RSPO2: variants seen among roughly 807,000 people sequenced by gnomAD.
The protein encoded by RSPO2 is R-spondin 2, also known as R-spondin-2.
RSPO2 carries 14 observed loss-of-function variants against 30.9 expected under a neutral mutation model. The ratio of observed to expected loss-of-function variants is 0.45; its 90% CI spans 0.30 to 0.71. The LOEUF is 0.71. RSPO2 is among the 30% of genes least tolerant of loss of function. The probability of loss-of-function intolerance (pLI) is 0.08; values close to 1 mark genes in which losing one functional copy is unlikely to be tolerated. For synonymous variants in RSPO2, 107 were observed against 96.4 expected (o/e 1.11, Z -0.64); for missense variants, 264 against 301.9 (o/e 0.87, Z 0.93).
chr8:107,951,437 C>T (rs1238055829), intron 5 of RSPO2, among the ~76,000 whole-genome samples: 10 of 152,106 alleles, frequency 6.6e-5, no homozygotes, highest in South Asian at 2.1e-4. Context: ...GTCTCCTGCA[C>T]GGAGGGGGAA....
At chr8:107,998,822 C>T (rs960324214) in intron 2 of RSPO2, among the ~76,000 whole-genome samples, 5 of 151,932 alleles carry the variant, frequency 3.3e-5, no homozygotes, top group African/African-American at 7.3e-5. Context: ...TGAGGCAGGC[C>T]GATCACCTAG....
At chr8:108,049,725 A>G (rs1234624338) in intron 2 of RSPO2, among the ~76,000 whole-genome samples, 2 of 151,944 alleles carry the variant, frequency 1.3e-5, no homozygotes, top group Non-Finnish European at 2.9e-5. Flanking sequence ...CCTGCAAAGG[A>G]CATGAACTCA....
intron 4 of RSPO2, among the ~76,000 whole-genome samples, chr8:107,959,209 G>C (rs1342251429): frequency 6.6e-6 from 1 of 152,190 alleles, no homozygotes; most frequent in Non-Finnish European, 1.5e-5. Flanking sequence ...TCTTTCAACA[G>C]GTTTCTGGAG....
chr8:107,988,356 A>G (rs1814721686), intron 3 of RSPO2, among the ~76,000 whole-genome samples: 1 of 152,144 alleles, frequency 6.6e-6, no homozygotes, highest in East Asian at 1.9e-4. Flanking sequence ...ATAAAAAGAG[A>G]AAAAGAAGCT....
intron 2 of RSPO2, among the ~76,000 whole-genome samples, chr8:108,062,043 G>A (rs1812486326): frequency 6.6e-6 from 1 of 151,844 alleles, no homozygotes; most frequent in Non-Finnish European, 1.5e-5. Flanking sequence ...GCAGTGTGTA[G>A]AGGGAAACTT....
At chr8:107,914,229 G>C (rs184509578) in intron 5 of RSPO2, among the ~76,000 whole-genome samples, 3 of 152,094 alleles carry the variant, frequency 2.0e-5, no homozygotes, top group Non-Finnish European at 4.4e-5. Flanking sequence ...AAATTGGTGA[G>C]TGCCTTTGAG....
At chr8:107,921,551 C>A (rs1339010837) in intron 5 of RSPO2, among the ~76,000 whole-genome samples, 1 of 151,920 alleles carries the variant, frequency 6.6e-6, no homozygotes, top group Admixed American at 6.6e-5. Flanking sequence ...GGTAGCATTC[C>A]CACTAAAACT....
At chr8:107,982,830 T>TCC (rs1375714590) in intron 3 of RSPO2, among the ~76,000 whole-genome samples, 1 of 152,226 alleles carries the variant, frequency 6.6e-6, no homozygotes, top group Non-Finnish European at 1.5e-5. Context: ...CTCTCTGCTT[T>TCC]CCTAGTGACT....
intron 3 of RSPO2, among the ~76,000 whole-genome samples, chr8:107,975,301 C>G (rs1201403330): frequency 6.6e-6 from 1 of 152,154 alleles, no homozygotes; most frequent in Non-Finnish European, 1.5e-5. Context: ...TTCTCTTCCA[C>G]AAATTTATAG....
At chr8:107,987,984 T>A (rs79274256) in intron 3 of RSPO2, among the ~76,000 whole-genome samples, 6,339 of 152,172 alleles carry the variant, frequency 0.042, 367 homozygotes, top group African/African-American at 0.13. Context: ...CCTGCTTACC[T>A]TTTGTCATTT....
chr8:107,957,814 T>C (rs968875225), intron 5 of RSPO2, among the ~76,000 whole-genome samples: 5 of 152,158 alleles, frequency 3.3e-5, no homozygotes, highest in Non-Finnish European at 7.3e-5. Flanking sequence ...CCAAAACACA[T>C]TTAGAAATCT....
intron 5 of RSPO2, among the ~76,000 whole-genome samples, chr8:107,922,848 T>C (rs1473320850): frequency 1.3e-5 from 2 of 150,048 alleles, no homozygotes; most frequent in African/African-American, 4.9e-5. Context: ...GACAGAACTC[T>C]AGTCAATAAG....
intron 5 of RSPO2, among the ~76,000 whole-genome samples, chr8:107,935,238 T>C (rs770904731): frequency 6.6e-6 from 1 of 152,174 alleles, no homozygotes; most frequent in African/African-American, 2.4e-5. Context: ...TCTTATACAG[T>C]TGCAGATAAA....
chr8:107,979,307 T>C (rs1441868980), intron 3 of RSPO2, among the ~76,000 whole-genome samples: 1 of 152,072 alleles, frequency 6.6e-6, no homozygotes, highest in Non-Finnish European at 1.5e-5. Flanking sequence ...ATAGACTGGA[T>C]TAAGAAAATG....
chr8:108,010,260 G>A (rs888457778), intron 2 of RSPO2, among the ~76,000 whole-genome samples: 1 of 152,126 alleles, frequency 6.6e-6, no homozygotes, highest in Middle Eastern at 3.2e-3. Flanking sequence ...AGTTTTGGTT[G>A]AGTGGGTGTC....
chr8:108,033,903 A>C (rs528001117), intron 2 of RSPO2, among the ~76,000 whole-genome samples: 1 of 152,200 alleles, frequency 6.6e-6, no homozygotes, highest in Non-Finnish European at 1.5e-5. Flanking sequence ...ACCCACTGGC[A>C]ACACCCTTCG....
intron 5 of RSPO2, among the ~76,000 whole-genome samples, chr8:107,916,376 G>A (rs1811983601): frequency 6.6e-6 from 1 of 152,128 alleles, no homozygotes; most frequent in African/African-American, 2.4e-5. Flanking sequence ...GGAAAAGTCA[G>A]ACCTTATTTG....
intron 2 of RSPO2, among the ~76,000 whole-genome samples, chr8:108,072,319 C>CTTTTTTT (rs34402426): frequency 9.5e-5 from 8 of 84,276 alleles, no homozygotes; most frequent in African/African-American, 1.4e-4. Flanking sequence ...TGGCAGAGAA[C>CTTTTTTT]TTTTTTTTTT....
At chr8:107,978,364 T>C (rs1331768889) in intron 3 of RSPO2, among the ~76,000 whole-genome samples, 2 of 152,054 alleles carry the variant, frequency 1.3e-5, no homozygotes, top group South Asian at 2.1e-4. Context: ...GAGGCAGAGA[T>C]TGCAGTGAGC....
Sources: allele counts gnomAD v4.1 joint callset (sites outside exome capture counted in the v4.1 genomes callset), GRCh38; gene constraint gnomAD v4.1.1; transcripts MANE v1.5; gene names NCBI Gene and HGNC (gene_info 2026-07-23, HGNC 2026-07-21).